Variants in SPIRE1 observed in about 807,000 individuals in gnomAD.
SPIRE1 encodes the protein protein spire homolog 1.
In SPIRE1, 40 loss-of-function variants were observed where a neutral mutation model predicts 94.1. The ratio of observed to expected loss-of-function variants is 0.43; its 90% CI spans 0.33 to 0.55. The LOEUF (loss-of-function observed/expected upper bound fraction) is 0.55, where lower values mean the gene tolerates loss of function less well. Among genes scored for constraint, SPIRE1 ranks in the 20% least tolerant of loss-of-function variants. The pLI, the probability that SPIRE1 is intolerant of heterozygous loss-of-function variation, is 0.06. For synonymous variants in SPIRE1, 376 were observed against 371.7 expected, an observed-to-expected ratio of 1.01 and a Z score of -0.13; for missense variants, 838 against 975.2, an observed-to-expected ratio of 0.86 and a Z score of 1.87.
intron 2 of SPIRE1, among the ~76,000 whole-genome samples, chr18:12,586,920 G>C (rs1387271413): frequency 6.6e-6 from 1 of 152,168 alleles, no homozygotes; most frequent in Non-Finnish European, 1.5e-5. Flanking sequence ...GACACTTAAA[G>C]AAAGCAAGTA....
chr18:12,483,409 C>T (rs1053332034), intron 9 of SPIRE1, among the ~76,000 whole-genome samples: 7 of 151,694 alleles, frequency 4.6e-5, no homozygotes, highest in African/African-American at 1.7e-4. Flanking sequence ...TAAAAAAAAA[C>T]TGGTGATATT....
At chr18:12,452,229 T>C in intron 16 of SPIRE1, 26 bp downstream of exon 16, 1 of 1,612,856 alleles carries the variant, frequency 6.2e-7, no homozygotes, top group Non-Finnish European at 8.5e-7. Context: ...CAAAGGATGG[T>C]TTGACAACCC....
upstream of SPIRE1, chr18:12,658,410 G>A: frequency 2.5e-6 from 1 of 401,444 alleles, no homozygotes; most frequent in South Asian, 1.8e-5. Context: ...GTTGTGGGGC[G>A]TGGGGGACAC....
chr18:12,464,254 T>C (rs1342512129), intron 11 of SPIRE1, among the ~76,000 whole-genome samples: 1 of 39,354 alleles, frequency 2.5e-5, no homozygotes, highest in Non-Finnish European at 4.5e-5. Flanking sequence ...CCCTATAATA[T>C]CCAATTGTGG....
intron 2 of SPIRE1, among the ~76,000 whole-genome samples, chr18:12,589,150 T>C (rs557635142): frequency 2.0e-5 from 3 of 151,618 alleles, no homozygotes; most frequent in African/African-American, 7.2e-5. Context: ...TACAATACTA[T>C]TAAATAGGTA....
intron 10 of SPIRE1, among the ~76,000 whole-genome samples, chr18:12,478,122 G>T (rs2032677252): frequency 1.3e-5 from 2 of 151,906 alleles, no homozygotes; most frequent in South Asian, 4.1e-4. Context: ...ATTATTATTG[G>T]TATTGCTTGG....
rs375394819 is a variant in SPIRE1, at chr18:12,541,277, A to C, written c.603+5397T>G. Among the ~76,000 whole-genome samples, 7 of 152,286 alleles carry C rather than the reference A, an allele frequency of 4.6e-5. No homozygotes were observed. In the South Asian group the frequency reaches 1.5e-3, roughly 32 times the overall value. On this transcript the variant is annotated intron_variant, in intron 3 of 16. Coordinates refer to ENST00000409402, the MANE Select transcript of SPIRE1 (RefSeq NM_001128626.2). The stretch of plus-strand genomic sequence containing the variant: ...AGGCCTGGAATACGGAGAAATTTTT[A>C]ATTGTTCCATGTATACCTGAAAAGA...
At chr18:12,461,571 GTACATACATATGTATATACA>G (rs2031855282) in intron 12 of SPIRE1, among the ~76,000 whole-genome samples, 1 of 61,474 alleles carries the variant, frequency 1.6e-5, no homozygotes, top group Non-Finnish European at 4.6e-5. Context: ...GTATATGTAT[GTACATACATATGTATATACA>G]TACATACACA....
At chr18:12,577,301 C>A (rs1169636360) in intron 2 of SPIRE1, among the ~76,000 whole-genome samples, 1 of 152,086 alleles carries the variant, frequency 6.6e-6, no homozygotes, top group Non-Finnish European at 1.5e-5. Flanking sequence ...GCGCCCGCCA[C>A]CACGCCCAGC....
chr18:12,555,518 T>A (rs1030874494), intron 2 of SPIRE1, among the ~76,000 whole-genome samples: 1 of 152,216 alleles, frequency 6.6e-6, no homozygotes, highest in East Asian at 1.9e-4. Flanking sequence ...GTTCAACATA[T>A]GCAAATCAAT....
chr18:12,582,794 G>A (rs1001710546), intron 2 of SPIRE1, among the ~76,000 whole-genome samples: 2 of 152,056 alleles, frequency 1.3e-5, no homozygotes, highest in Non-Finnish European at 2.9e-5. Flanking sequence ...CCCTTCATTC[G>A]TTCAATAAAT....
At chr18:12,497,437 C>A (rs2033497801) in intron 6 of SPIRE1, among the ~76,000 whole-genome samples, 1 of 152,104 alleles carries the variant, frequency 6.6e-6, no homozygotes, top group African/African-American at 2.4e-5. Flanking sequence ...CAAAATAGAA[C>A]CTCAATGGCC....
chr18:12,583,651 A>G (rs981510642), intron 2 of SPIRE1, among the ~76,000 whole-genome samples: 20 of 152,074 alleles, frequency 1.3e-4, no homozygotes, highest in Admixed American at 1.2e-3. Flanking sequence ...AGGCCAGGCC[A>G]GGTAGCTCAT....
Position 12,603,020 on chromosome 18 carries a change from G to C in SPIRE1, c.372+32042C>G, listed in dbSNP as rs143622217. 1.1e-3 allele frequency among the ~76,000 whole-genome samples: 168 copies of C among 152,260 alleles called. 1 individual carries two copies. The highest frequency in any genetic ancestry group is 3.9e-3 in the African/African-American group (161 of 41,540). The stretch of plus-strand genomic sequence containing the variant: ...AAGCTCATTGAAAATACCATATAGT[G>C]AAAATGCATCTAATACACATAACCT... On this transcript the variant is annotated intron_variant, in intron 2 of 16. Coordinates refer to ENST00000409402, the MANE Select transcript of SPIRE1 (RefSeq NM_001128626.2).
At chr18:12,450,077 A>C (rs1381125205) in intron 16 of SPIRE1, among the ~76,000 whole-genome samples, 181 bp from the exon 17 acceptor site, 1 of 152,148 alleles carries the variant, frequency 6.6e-6, no homozygotes, top group African/African-American at 2.4e-5. Context: ...AATATTACTT[A>C]GAAAAGAAAG....
At chr18:12,504,824 A>G (rs1331771323) in intron 6 of SPIRE1, among the ~76,000 whole-genome samples, 1 of 152,228 alleles carries the variant, frequency 6.6e-6, no homozygotes, top group African/African-American at 2.4e-5. Context: ...ACTTGAGCAC[A>G]GGCCTGAAAA....
chr18:12,502,304 T>C (rs1400971217), intron 6 of SPIRE1, among the ~76,000 whole-genome samples: 1 of 152,188 alleles, frequency 6.6e-6, no homozygotes, highest in African/African-American at 2.4e-5. Context: ...ATATCAAAGA[T>C]GACAGTTAAA....
At position 12,615,343 on chromosome 18, in the gene SPIRE1, A is replaced by ATATATATAT. The variant is rs1302326675; in HGVS notation, c.372+19718_372+19719insATATATATA. 1.7e-4 allele frequency among the ~76,000 whole-genome samples: 6 copies of ATATATATAT among 35,396 alleles called. 1 individual carries two copies. The highest frequency in any genetic ancestry group is 5.6e-4 in the Non-Finnish European group (6 of 10,692). 23.2% of individuals were successfully genotyped at this position (35,396 alleles called of 152,430 possible). On this transcript the variant is annotated intron_variant, in intron 2 of 16. Transcript: ENST00000409402. The stretch of plus-strand genomic sequence containing the variant: ...ACTCTGTCTCAAAAAAAAAAAAAAA[A>ATATATATAT]AAATATATATATATATATATATATA...
chr18:12,618,642 C>A (rs138908557), intron 2 of SPIRE1, among the ~76,000 whole-genome samples: 2 of 151,986 alleles, frequency 1.3e-5, no homozygotes, highest in Admixed American at 6.6e-5. Context: ...AAACAAAAAC[C>A]GCTCCAAATT....
Sources: gnomAD v4.1 joint callset for allele counts (sites outside exome capture counted in the v4.1 genomes callset) on GRCh38, gnomAD v4.1.1 for gene constraint, MANE v1.5 for transcripts, NCBI Gene and HGNC (gene_info 2026-07-23, HGNC 2026-07-21) for gene names.